The following ACOT7 variants were observed in gnomAD, a reference collection of about 807,000 sequenced individuals.
ACOT7 encodes cytosolic acyl coenzyme A thioester hydrolase.
In ACOT7, 12 loss-of-function variants were observed where a neutral mutation model predicts 40.2. The ratio of observed to expected loss-of-function variants is 0.30; its 90% CI spans 0.19 to 0.48. The LOEUF (loss-of-function observed/expected upper bound fraction) is 0.48, where lower values mean the gene tolerates loss of function less well. ACOT7 is among the 20% of genes least tolerant of loss of function. ACOT7 has a pLI of 0.99. For missense variants in ACOT7, 395 were observed against 530.8 expected (o/e 0.74, Z 2.51); for synonymous variants, 228 against 219.5 (o/e 1.04, Z -0.34).
At chr1:6,370,729 G>A (rs1481275164) in intron 1 of ACOT7, among the ~76,000 whole-genome samples, 3 of 151,878 alleles carry the variant, frequency 2.0e-5, no homozygotes, top group Non-Finnish European at 4.4e-5. Flanking sequence ...CTGACCTCAG[G>A]TAATCCAACC....
chr1:6,331,420 G>T (rs939392179), intron 4 of ACOT7, among the ~76,000 whole-genome samples: 2 of 152,226 alleles, frequency 1.3e-5, no homozygotes, highest in African/African-American at 4.8e-5. Flanking sequence ...GGAGCCACCC[G>T]GCGCTGGAGA....
intron 4 of ACOT7, among the ~76,000 whole-genome samples, chr1:6,331,897 G>T (rs1013758775): frequency 1.3e-5 from 2 of 152,170 alleles, no homozygotes; most frequent in Non-Finnish European, 2.9e-5. Flanking sequence ...CAGAAGAGAC[G>T]GCAGGAAGCA....
In ACOT7 at chr1:6,359,757, G is replaced by A. The variant is rs977945674; in HGVS notation, c.144-9891C>T. On this transcript the variant is annotated intron_variant, in intron 1 of 8. Coordinates refer to ENST00000361521, the MANE Select transcript of ACOT7 (RefSeq NM_007274.4). The surrounding 1 kb of genome is among the most constrained non-coding windows in gnomAD (Gnocchi z 4.1). ...CCCCAATGCTGCCCCCACCAGGGCT[G>A]CTTTCCCAGGAATCCTGTGACCAGC... Among the ~76,000 whole-genome samples, 6 of 152,224 alleles carry A rather than the reference G, an allele frequency of 3.9e-5. No homozygotes were observed. The highest frequency in any genetic ancestry group is 5.9e-5 in the Non-Finnish European group (4 of 68,038).
At chr1:6,327,651 A>G (rs1430102187) in intron 4 of ACOT7, among the ~76,000 whole-genome samples, 1 of 152,228 alleles carries the variant, frequency 6.6e-6, no homozygotes, top group African/African-American at 2.4e-5. Context: ...GAATTGCTTT[A>G]ATGCCTACAA....
rs1316781733 is a variant in ACOT7, at chr1:6,277,503, C to A, written c.1014+3599G>T. Among the ~76,000 whole-genome samples, 3 of 152,248 alleles carry A rather than the reference C, an allele frequency of 2.0e-5. No homozygotes were observed. In the East Asian group the frequency reaches 5.8e-4, roughly 29 times the overall value. On this transcript the variant is annotated intron_variant, in intron 8 of 8. Transcript: ENST00000361521. ...ACTTTACGCCCATATGCGTGAGCCCCATAGACTCCCACCAGCCCTCTCTCC... is the reference window on the plus strand; with the variant it reads ...ACTTTACGCCCATATGCGTGAGCCCAATAGACTCCCACCAGCCCTCTCTCC...
chr1:6,376,256 C>G (rs1274867950), intron 1 of ACOT7, among the ~76,000 whole-genome samples: 1 of 151,732 alleles, frequency 6.6e-6, no homozygotes, highest in Non-Finnish European at 1.5e-5. Context: ...GAAACTTGGT[C>G]TAAAACAAAA....
At chr1:6,362,108 C>A (rs1641906093) in intron 1 of ACOT7, among the ~76,000 whole-genome samples, 1 of 152,178 alleles carries the variant, frequency 6.6e-6, no homozygotes, top group East Asian at 1.9e-4. Flanking sequence ...CAGTTTTCTG[C>A]AGCTTTCAAA....
At chr1:6,365,023 CAAAA>C (rs200329900) in intron 1 of ACOT7, among the ~76,000 whole-genome samples, 1 of 140,756 alleles carries the variant, frequency 7.1e-6, no homozygotes, top group Non-Finnish European at 1.6e-5. Flanking sequence ...GACTCCGTCT[CAAAA>C]AAAAAAAGGA....
At chr1:6,386,427 C>T (rs559468821) in intron 1 of ACOT7, among the ~76,000 whole-genome samples, 2 of 152,306 alleles carry the variant, frequency 1.3e-5, no homozygotes, top group East Asian at 3.9e-4. Context: ...AGCCCCAAAA[C>T]AGTCAGCTCA....
At chr1:6,361,803 AAAAT>A (rs900975252) in intron 1 of ACOT7, among the ~76,000 whole-genome samples, 1 of 152,098 alleles carries the variant, frequency 6.6e-6, no homozygotes, top group Non-Finnish European at 1.5e-5. Flanking sequence ...GGACTCTGTA[AAAAT>A]AAATAAATAA....
intron 8 of ACOT7, among the ~76,000 whole-genome samples, chr1:6,270,973 G>C (rs1422014564): frequency 6.6e-6 from 1 of 152,138 alleles, no homozygotes; most frequent in South Asian, 2.1e-4. Flanking sequence ...TTGACAGTAC[G>C]CTCCCTCCCT....
At position 6,289,144 on chromosome 1, in the gene ACOT7, G is replaced by A. The variant is rs191257492; in HGVS notation, c.829+5720C>T. The stretch of plus-strand genomic sequence containing the variant: ...AGACGGAGTCTCGCTCTGTCGCCCC[G>A]GCTGGAGTGCAGTGACACGATCTCG... On this transcript the variant is annotated intron_variant, in intron 7 of 8. Transcript: ENST00000361521. This position sits in a 1 kb window ranked among gnomAD's most constrained non-coding sequence, Gnocchi z 4.6. Among the ~76,000 whole-genome samples, 2 of 152,144 alleles carry A rather than the reference G, an allele frequency of 1.3e-5. No homozygotes were observed. Among genetic ancestry groups the A allele is most frequent in the South Asian group, 2.1e-4 (1 of 4,812 alleles).
At chr1:6,325,173 C>T (rs1046177956) in intron 5 of ACOT7, among the ~76,000 whole-genome samples, 5 of 152,156 alleles carry the variant, frequency 3.3e-5, no homozygotes, top group African/African-American at 4.8e-5. Flanking sequence ...CCGAGGTGGG[C>T]GGATCACGAG....
chr1:6,264,650 G>A lies in ACOT7; in HGVS notation c.1060C>T (p.Arg354Trp), dbSNP rs781024703. 1.2e-6 allele frequency: 2 copies of A among 1,613,428 alleles called. No individual in the cohort carries two copies. Among genetic ancestry groups the A allele is most frequent in the Non-Finnish European group, 1.7e-6 (2 of 1,179,950 alleles). Residue 354 changes from arginine (R) to tryptophan (W), a missense_variant, in exon 9 of 9, where the codon CGG (arginine) becomes TGG (tryptophan). By Grantham distance (101) the Arg-to-Trp change is moderately radical. Coordinates refer to ENST00000361521, the MANE Select transcript of ACOT7 (RefSeq NM_007274.4). ...CGCTTCGCCTTCATCTGCAGGTACC[G>A]CCCTTTGCCTTCCTCAAAGCGCTTC... ...EKKRFEEGKG[R>W]YLQMKAKRQG...
At chr1:6,300,577 C>T (rs1051353753) in intron 6 of ACOT7, among the ~76,000 whole-genome samples, 3 of 150,900 alleles carry the variant, frequency 2.0e-5, no homozygotes, top group Non-Finnish European at 4.4e-5. Flanking sequence ...GATGCGCGGC[C>T]GGCCCTCTCC....
At chr1:6,279,420 C>T (rs1204579490) in intron 8 of ACOT7, among the ~76,000 whole-genome samples, 2 of 152,138 alleles carry the variant, frequency 1.3e-5, no homozygotes, top group African/African-American at 4.8e-5. Flanking sequence ...GGGTGGCAGC[C>T]TAGGGTACTT....
chr1:6,372,956 T>A (rs1284808404), intron 1 of ACOT7, among the ~76,000 whole-genome samples: 2 of 152,262 alleles, frequency 1.3e-5, no homozygotes, highest in African/African-American at 4.8e-5. Flanking sequence ...TCTCAGGGAA[T>A]GAGGGAGCTC....
At chr1:6,371,362 C>CT (rs377275678) in intron 1 of ACOT7, among the ~76,000 whole-genome samples, 14,799 of 143,016 alleles carry the variant, frequency 0.1, 942 homozygotes, top group African/African-American at 0.18. Context: ...TCAGCCTGTC[C>CT]TTTTTTTTTT....
intron 6 of ACOT7, among the ~76,000 whole-genome samples, chr1:6,305,014 G>A (rs1279232811): frequency 6.7e-6 from 1 of 149,520 alleles, no homozygotes; most frequent in African/African-American, 2.5e-5. Flanking sequence ...GCGGCTGGCC[G>A]GGCGGGGCGC....
Sources: allele counts gnomAD v4.1 joint callset (sites outside exome capture counted in the v4.1 genomes callset), GRCh38; gene constraint gnomAD v4.1.1; non-coding constraint Gnocchi (gnomAD v3.1); transcripts MANE v1.5; gene names NCBI Gene and HGNC (gene_info 2026-07-23, HGNC 2026-07-21).